Variants in ANKZF1 observed in about 807,000 individuals in gnomAD.
The protein encoded by ANKZF1 is ankyrin repeat and zinc finger peptidyl tRNA hydrolase 1.
A neutral mutation model predicts 86.0 loss-of-function variants in ANKZF1; 84 were observed. The ratio of observed to expected loss-of-function variants is 0.98; its 90% CI spans 0.82 to 1.17. The LOEUF (loss-of-function observed/expected upper bound fraction) is 1.17. ANKZF1 is among the 50% of genes most tolerant of loss of function. The probability of loss-of-function intolerance (pLI) is 0.00; values close to 1 mark genes in which losing one functional copy is unlikely to be tolerated. For missense variants in ANKZF1, 893 were observed against 918.4 expected (o/e 0.97, Z 0.36); for synonymous variants, 331 against 354.2 (o/e 0.93, Z 0.74).
At chr2:219,232,439 A>G (rs1951070701) in intron 4 of ANKZF1, 51 bp from the exon 5 acceptor site, 3 of 1,611,302 alleles carry the variant, frequency 1.9e-6, no homozygotes, top group Non-Finnish European at 1.7e-6. Flanking sequence ...GTTTGAGGAA[A>G]GAACAAAAAT....
In ANKZF1 at chr2:219,229,881, C is replaced by T. The variant is rs1341272441; in HGVS notation, c.-50C>T. The T allele has an allele frequency of 5.3e-6, 1 of 189,746 alleles. No homozygotes were observed. The highest frequency in any genetic ancestry group is 1.1e-5 in the Non-Finnish European group (1 of 91,312). The allele number at this position is 189,746 out of a possible 1,614,324, so 11.8% of individuals were successfully genotyped here. A position where few individuals can be genotyped will look rare whatever the true frequency, so the allele number is the denominator to read the frequency against. ...AATCGACCTGAGGACTTGCGAGCCG[C>T]TCAGCTCCCGGGACGTTTGGTGCGT... is the stretch of plus-strand genomic sequence containing the variant. On this transcript the variant is annotated 5_prime_UTR_variant, in exon 1 of 14. Transcript: ENST00000323348. This position sits in a 1 kb window ranked among gnomAD's most constrained non-coding sequence, Gnocchi z 4.2.
intron 2 of ANKZF1, 113 bp from the exon 3 acceptor site, chr2:219,231,815 C>A: frequency 1.2e-6 from 1 of 828,332 alleles, no homozygotes; most frequent in South Asian, 1.5e-5. Context: ...AAGGCAGTAT[C>A]ATGCCATCTC....
At chr2:219,236,173 C>T (rs1299013777) in intron 13 of ANKZF1, 78 bp downstream of exon 13, 2 of 1,598,326 alleles carry the variant, frequency 1.3e-6, no homozygotes, top group African/African-American at 2.7e-5. Flanking sequence ...TGAGTACCTG[C>T]ACAGTATTCA....
At position 219,233,940 on chromosome 2, in the gene ANKZF1, T is replaced by A. The variant is rs1325261678; in HGVS notation, c.1045T>A (p.Tyr349Asn). 6.4e-7 allele frequency: 1 copy of A among 1,566,064 alleles called. No individual in the cohort carries two copies. The highest frequency in any genetic ancestry group is 8.6e-7 in the Non-Finnish European group (1 of 1,158,208). ...CCATAAGCTGACCACTTTGCATGTC[T>A]ATGGTGAGCCTTTGCTCCAGATCCC... The part of the protein sequence containing the change: ...VLHKLTTLHV[Y>N]EEDPREAVRL... Residue 349 changes from tyrosine to asparagine, a missense_variant, in exon 8 of 14, where the codon TAT (tyrosine) becomes AAT (asparagine). Transcript: ENST00000323348.
intron 9 of ANKZF1, 115 bp downstream of exon 9, chr2:219,234,403 T>C (rs938245477): frequency 7.6e-7 from 1 of 1,309,372 alleles, no homozygotes; most frequent in Non-Finnish European, 1.1e-6. Flanking sequence ...ACCCACAGTG[T>C]CTATCTTAGC....
chr2:219,234,082 C>T (rs139977011), intron 8 of ANKZF1, 51 bp from the exon 9 acceptor site: 9 of 1,584,280 alleles, frequency 5.7e-6, no homozygotes, highest in African/African-American at 2.7e-5. Flanking sequence ...GAGAAACCTG[C>T]GCTAGCTTCT....
chr2:219,234,693 C>T (rs1951150270), intron 9 of ANKZF1, 133 bp from the exon 10 acceptor site: 2 of 1,209,726 alleles, frequency 1.7e-6, no homozygotes, highest in Non-Finnish European at 2.3e-6. Flanking sequence ...ATAATGGACT[C>T]AGCTCTTGAT....
intron 5 of ANKZF1, 81 bp from the exon 6 acceptor site, chr2:219,232,998 A>T: frequency 7.8e-7 from 1 of 1,279,112 alleles, no homozygotes; most frequent in Non-Finnish European, 1.1e-6. Flanking sequence ...TAAATGAGAT[A>T]ATGTTTGTGA....
At chr2:219,233,528 T>G (rs1190681359) in intron 7 of ANKZF1, 95 bp downstream of exon 7, 1 of 1,456,718 alleles carries the variant, frequency 6.9e-7, no homozygotes, top group Non-Finnish European at 9.1e-7. Flanking sequence ...TTGACTCATA[T>G]CCTTCCAATT....
Position 219,234,771 on chromosome 2 carries a change from C to G in ANKZF1, c.1205-55C>G, listed in dbSNP as rs969803554. 2.6e-6 allele frequency: 4 copies of G among 1,538,716 alleles called. No homozygotes were observed. In the African/African-American group the frequency reaches 5.5e-5, roughly 21 times the overall value. ...TCAGGCTTTCATTCTTATGCATCTG[C>G]TTCTACCCTCTGAGTACTCCCTAGA... is the stretch of plus-strand genomic sequence containing the variant. On this transcript the variant is annotated intron_variant, in intron 9 of 13. Coordinates refer to ENST00000323348, the MANE Select transcript of ANKZF1 (RefSeq NM_018089.3).
intron 12 of ANKZF1, 63 bp downstream of exon 12, chr2:219,235,938 G>C: frequency 6.2e-7 from 1 of 1,613,792 alleles, no homozygotes; most frequent in Non-Finnish European, 8.5e-7. Flanking sequence ...CTTCCCCAGC[G>C]TGCAGCTGTC....
At position 219,230,348 on chromosome 2, in the gene ANKZF1, C is replaced by A; in HGVS notation, c.91C>A (p.Leu31Met). Residue 31 changes from leucine to methionine, a missense_variant, in exon 2 of 14, where the codon CTG becomes ATG. Physicochemically the swap from Leu to Met is conservative, Grantham distance 15. Coordinates refer to ENST00000323348, the MANE Select transcript of ANKZF1 (RefSeq NM_018089.3). ...TGCTCCGGTCTTTCAGGGCCTGAGC[C>A]TGGTGAGCCACGCGCCTGGGGAGGC... ...ADAPVFQGLS[L>M]VSHAPGEALA... The A allele has an allele frequency of 6.2e-7, 1 of 1,613,968 alleles. No individual in the cohort carries two copies.
intron 5 of ANKZF1, 46 bp from the exon 6 acceptor site, chr2:219,233,033 T>C (rs756525520): frequency 6.4e-7 from 1 of 1,557,008 alleles, no homozygotes; most frequent in Non-Finnish European, 8.8e-7. Context: ...TTTCTTGCTC[T>C]CAGTGAATGC....
chr2:219,231,375 C>T, intron 2 of ANKZF1: 1 of 209,910 alleles, frequency 4.8e-6, no homozygotes, highest in East Asian at 1.2e-4. Context: ...TTTTTATTTA[C>T]ATTCGTTTTA....
rs1298382006 is a variant in ANKZF1, at chr2:219,230,380, C to T, written c.123C>T (p.Ala41=). The T allele has an allele frequency of 3.7e-6, 6 of 1,611,554 alleles. No individual in the cohort carries two copies. Among genetic ancestry groups the T allele is most frequent in the Non-Finnish European group, 5.1e-6 (6 of 1,178,340 alleles). Residue 41 remains alanine, a synonymous_variant, in exon 2 of 14, where the codon GCC becomes GCT. Transcript: ENST00000323348. ...LVSHAPGEAL[A]RAPRTSCSGS... is the part of the protein sequence containing the mutation. ...GCCACGCGCCTGGGGAGGCTCTGGC[C>T]CGGGCTCCGCGTACTTCCTGTTCAG...
chr2:219,231,640 T>G, intron 2 of ANKZF1: 1 of 318,162 alleles, frequency 3.1e-6, no homozygotes, highest in Non-Finnish European at 6.0e-6. Context: ...ATGATCCGTC[T>G]GCCTTGGCCT....
In ANKZF1 at chr2:219,232,563, G is replaced by C; in HGVS notation, c.438G>C (p.Arg146=). ...AGGAGGACTTGCAGACACTGGATCG[G>C]GAGAGGGCTACATTTGAGAAGTTGA... The part of the protein sequence containing the change: ...ASEEDLQTLD[R]ERATFEKLSR... The change falls in exon 5 of 14, where the codon CGG becomes CGC. Residue 146 remains arginine (R), a synonymous_variant. Transcript: ENST00000323348. The C allele has an allele frequency of 2.5e-6, 4 of 1,614,176 alleles. No individual in the cohort carries two copies. Among genetic ancestry groups the C allele is most frequent in the Non-Finnish European group, 3.4e-6 (4 of 1,180,044 alleles).
chr2:219,233,836 T>C lies in ANKZF1; in HGVS notation c.941T>C (p.Leu314Pro), dbSNP rs1482188141. 1.2e-6 allele frequency: 2 copies of C among 1,613,626 alleles called. No homozygotes were observed. The highest frequency in any genetic ancestry group is 1.7e-6 in the Non-Finnish European group (2 of 1,179,860). ...SLFFGGKGAP[L>P]QRGDPRLWDI... ...TTCTTTGGAGGCAAGGGAGCACCCC[T>C]GCAAAGGGGGGATCCCCGACTTTGG... The change falls in exon 8 of 14, where the codon CTG becomes CCG. Residue 314 changes from leucine to proline, a missense_variant. Transcript: ENST00000323348.
chr2:219,233,780 G>A lies in ANKZF1; in HGVS notation c.885G>A (p.Leu295=). Reference sequence around the variant, plus strand: ...CGCTGGAGGAGGCTGGTACAATACTGTTGCGTGCTCCCCGCTCTGGCCGGT... The same window carrying A: ...CGCTGGAGGAGGCTGGTACAATACTATTGCGTGCTCCCCGCTCTGGCCGGT... ...AKALEEAGTI[L]LRAPRSGRSL... is the part of the protein sequence containing the mutation. The change falls in exon 8 of 14, where the codon CTG becomes CTA. Residue 295 remains leucine (L), a synonymous_variant. Transcript: ENST00000323348. 6.2e-7 allele frequency: 1 copy of A among 1,614,118 alleles called. No homozygotes were observed. The highest frequency in any genetic ancestry group is 8.5e-7 in the Non-Finnish European group (1 of 1,180,038).
Sources: allele counts gnomAD v4.1 joint callset, GRCh38; gene constraint gnomAD v4.1.1; non-coding constraint Gnocchi (gnomAD v3.1); transcripts MANE v1.5; gene names NCBI Gene and HGNC (gene_info 2026-07-23, HGNC 2026-07-21).